Variants in REV3L observed in about 807,000 individuals in gnomAD.
The protein encoded by REV3L is DNA polymerase zeta catalytic subunit.
In REV3L, 69 loss-of-function variants were observed where a neutral mutation model predicts 299.4. The observed-to-expected ratio is 0.23, with a 90% CI of 0.19 to 0.28. The LOEUF (loss-of-function observed/expected upper bound fraction) is 0.28. Among genes scored for constraint, REV3L ranks in the 10% least tolerant of loss-of-function variants. The probability of loss-of-function intolerance (pLI) is 1.00; values close to 1 mark genes in which losing one functional copy is unlikely to be tolerated. For synonymous variants in REV3L, 1,238 were observed against 1,271.4 expected (o/e 0.97, Z 0.56); for missense variants, 3,128 against 3,693.8 (o/e 0.85, Z 3.97).
At chr6:111,344,290 A>C (rs1040522487) in intron 20 of REV3L, among the ~76,000 whole-genome samples, 1 of 152,240 alleles carries the variant, frequency 6.6e-6, no homozygotes, top group African/African-American at 2.4e-5. Flanking sequence ...ACTTGGTCAT[A>C]TAATACTTAT....
At chr6:111,482,633 G>T in intron 1 of REV3L, 117 bp downstream of exon 1, 1 of 528,312 alleles carries the variant, frequency 1.9e-6, no homozygotes, top group Non-Finnish European at 2.5e-6. Flanking sequence ...GGGAAGACGC[G>T]GCAGCGATCC....
At chr6:111,406,265 C>G (rs1554222330) in intron 3 of REV3L, among the ~76,000 whole-genome samples, 1 of 152,110 alleles carries the variant, frequency 6.6e-6, no homozygotes, top group Non-Finnish European at 1.5e-5. Flanking sequence ...GTAAATAAAA[C>G]TGCACATGTA....
rs192688907 is a variant in REV3L, at chr6:111,431,262, G to A, written c.140-14790C>T. The A allele has an allele frequency of 5.4e-6, 8 of 1,490,100 alleles. No individual in the cohort carries two copies. The East Asian group carries it at 1.8e-4, about 34-fold the overall frequency. The allele number at this position is 1,490,100 out of a possible 1,614,324, so 92.3% of individuals were successfully genotyped here. A position where few individuals can be genotyped will look rare whatever the true frequency, so the allele number is the denominator to read the frequency against. On this transcript the variant is annotated intron_variant, in intron 1 of 31. Coordinates refer to ENST00000368802, the MANE Select transcript of REV3L (RefSeq NM_001372078.1). The stretch of plus-strand genomic sequence containing the variant: ...ATTCCAGGACCCTACAAGAGATTTA[G>A]ATGTCACTGCCTGAAGATGGAAGGC...
intron 3 of REV3L, among the ~76,000 whole-genome samples, chr6:111,408,173 G>A (rs1026645970): frequency 5.3e-5 from 8 of 152,152 alleles, no homozygotes; most frequent in African/African-American, 1.9e-4. Flanking sequence ...GAGGTGAGGA[G>A]GAAAAATTTC....
At chr6:111,440,905 A>G (rs781018424) in intron 1 of REV3L, among the ~76,000 whole-genome samples, 1 of 152,204 alleles carries the variant, frequency 6.6e-6, no homozygotes, top group Non-Finnish European at 1.5e-5. Context: ...TCAACACTTA[A>G]AACACTTCAC....
At chr6:111,307,609 T>C (rs777592163) in intron 30 of REV3L, 39 bp from the exon 31 acceptor site, 2 of 1,589,022 alleles carry the variant, frequency 1.3e-6, no homozygotes, top group Admixed American at 3.3e-5. Context: ...CTGAGTCAGC[T>C]TCACAGCAAA....
At chr6:111,320,249 G>C (rs1773994746) in intron 26 of REV3L, among the ~76,000 whole-genome samples, 1 of 152,024 alleles carries the variant, frequency 6.6e-6, no homozygotes, top group South Asian at 2.1e-4. Context: ...TGTATTTTTA[G>C]TAGAGATGGC....
At chr6:111,409,251 T>C (rs1783981946) in intron 3 of REV3L, among the ~76,000 whole-genome samples, 1 of 152,180 alleles carries the variant, frequency 6.6e-6, no homozygotes, top group African/African-American at 2.4e-5. Context: ...TAGCCTTTCA[T>C]GTTACTTTCA....
chr6:111,344,053 A>G lies in REV3L; in HGVS notation c.7420-10T>C. On this transcript the variant is annotated splice_polypyrimidine_tract_variant and intron_variant, in intron 20 of 31. Transcript: ENST00000368802. ...AGTTAGTTAGAGCCACCTAAAAAAA[A>G]AGGCAAGACACCATTATAATAATGC... 6.5e-7 allele frequency: 1 copy of G among 1,550,308 alleles called. No homozygotes were observed. Among genetic ancestry groups the G allele is most frequent in the East Asian group, 2.2e-5 (1 of 44,476 alleles).
At chr6:111,358,757 GA>G (rs1193175469) in intron 17 of REV3L, 64 bp downstream of exon 17, 1 of 1,264,334 alleles carries the variant, frequency 7.9e-7, no homozygotes, top group East Asian at 2.4e-5. Context: ...TTCAGCACAG[GA>G]ATTCCCCATT....
intron 27 of REV3L, among the ~76,000 whole-genome samples, chr6:111,313,754 A>T (rs1773228749): frequency 6.6e-6 from 1 of 152,162 alleles, no homozygotes; most frequent in Admixed American, 6.5e-5. Context: ...CTTGGCATTC[A>T]AGACAGTCTA....
chr6:111,374,458 G>A lies in REV3L; in HGVS notation c.3897C>T (p.Phe1299=). The change falls in exon 13 of 32, where the codon TTC becomes TTT. Residue 1299 remains phenylalanine, a synonymous_variant. Transcript: ENST00000368802. ...AATCTACAGACTTCTTGCTTTCTAA[G>A]AAAGAAGAAAAGCAGCCAGATAACT... ...QQKLSGCFSS[F]LESKKSVDLQ... The A allele has an allele frequency of 6.2e-7, 1 of 1,613,956 alleles. No homozygotes were observed. The highest frequency in any genetic ancestry group is 2.2e-5 in the East Asian group (1 of 44,860).
intron 5 of REV3L, among the ~76,000 whole-genome samples, chr6:111,390,446 G>A (rs1781805976): frequency 6.6e-6 from 1 of 151,974 alleles, no homozygotes; most frequent in South Asian, 2.1e-4. Flanking sequence ...TATATAAAAG[G>A]AATATAAAAC....
chr6:111,416,377 T>A lies in REV3L; in HGVS notation c.235A>T (p.Met79Leu). ...GQQPESYLSQ[M>L]AFSIDRALNV... ...AGTGCTCTGTCGATACTGAATGCCATCTGAGAAAGATAGCTTTCTGGCTGC... is the reference window on the plus strand; with the variant it reads ...AGTGCTCTGTCGATACTGAATGCCAACTGAGAAAGATAGCTTTCTGGCTGC... Residue 79 changes from methionine to leucine, a missense_variant, in exon 2 of 32, where the codon ATG (methionine) becomes TTG (leucine). Around this residue, in one of 9 missense-constraint regions of REV3L, gnomAD observed 2,409 missense variants for 2,611.8 expected, o/e 0.92. Coordinates refer to ENST00000368802, the MANE Select transcript of REV3L (RefSeq NM_001372078.1). The A allele has an allele frequency of 6.2e-7, 1 of 1,613,868 alleles. No individual in the cohort carries two copies. Among genetic ancestry groups the A allele is most frequent in the Non-Finnish European group, 8.5e-7 (1 of 1,179,826 alleles).
intron 24 of REV3L, 55 bp from the exon 25 acceptor site, chr6:111,329,793 A>C: frequency 7.5e-7 from 1 of 1,329,260 alleles, no homozygotes; most frequent in Non-Finnish European, 1.1e-6. Context: ...GATTTACATA[A>C]TTAAGAAGGA....
chr6:111,319,098 A>G (rs1361247140), intron 26 of REV3L, among the ~76,000 whole-genome samples: 1 of 151,114 alleles, frequency 6.6e-6, no homozygotes, highest in African/African-American at 2.4e-5. Flanking sequence ...ATTACATACT[A>G]TACATGTTGT....
chr6:111,424,553 C>T (rs1055642363), intron 1 of REV3L, among the ~76,000 whole-genome samples: 18 of 152,190 alleles, frequency 1.2e-4, no homozygotes, highest in African/African-American at 4.3e-4. Context: ...AATCTGATCT[C>T]TCCCTCTGCA....
At chr6:111,352,894 T>C (rs1777719267) in intron 18 of REV3L, among the ~76,000 whole-genome samples, 1 of 152,200 alleles carries the variant, frequency 6.6e-6, no homozygotes, top group Admixed American at 6.5e-5. Flanking sequence ...TGTTTAGCTA[T>C]AAATATGAAA....
At chr6:111,411,359 A>G (rs1784224017) in intron 3 of REV3L, 121 bp downstream of exon 3, 2 of 672,198 alleles carry the variant, frequency 3.0e-6, no homozygotes, top group Admixed American at 5.9e-5. Flanking sequence ...GTACATGTGT[A>G]TTTTACGGTC....
Sources: gnomAD v4.1 joint callset for allele counts (sites outside exome capture counted in the v4.1 genomes callset) on GRCh38, gnomAD v4.1.1 for gene constraint, gnomAD v4.1.1 regional missense constraint, MANE v1.5 for transcripts, NCBI Gene and HGNC (gene_info 2026-07-23, HGNC 2026-07-21) for gene names.